Variants in EPHA6 observed in about 807,000 individuals in gnomAD.
The protein encoded by EPHA6 is EPH receptor A6.
Under a neutral mutation model 112.0 loss-of-function variants are expected in EPHA6, and 50 were observed. The ratio of observed to expected loss-of-function variants is 0.45; its 90% CI spans 0.36 to 0.56. EPHA6 has a LOEUF of 0.56. EPHA6 is among the 20% of genes least tolerant of loss of function. EPHA6 has a pLI of 0.00. For missense variants in EPHA6, 1,280 were observed against 1,417.4 expected, an observed-to-expected ratio of 0.90 and a Z score of 1.56; for synonymous variants, 529 against 490.7, an observed-to-expected ratio of 1.08 and a Z score of -1.03.
chr3:96,825,429 A>G (rs1296894070), intron 1 of EPHA6, among the ~76,000 whole-genome samples: 2 of 151,876 alleles, frequency 1.3e-5, no homozygotes, highest in Non-Finnish European at 2.9e-5. Flanking sequence ...CAGTACATGT[A>G]TGGTTTACGA....
chr3:97,727,415 T>A lies in EPHA6; in HGVS notation c.2934+7005T>A, dbSNP rs572964007. 8.5e-4 allele frequency among the ~76,000 whole-genome samples: 130 copies of A among 152,210 alleles called. 2 individuals carry two copies. Among genetic ancestry groups the A allele is most frequent in the African/African-American group, 3.0e-3 (123 of 41,560 alleles). On this transcript the variant is annotated intron_variant, in intron 15 of 17. Transcript: ENST00000389672. ...AAATAACCTTTTACTGTACTTCCTGTTTGTCCTCATAATTCTATAACCTTT... is the reference window on the plus strand; with the variant it reads ...AAATAACCTTTTACTGTACTTCCTGATTGTCCTCATAATTCTATAACCTTT...
intron 3 of EPHA6, among the ~76,000 whole-genome samples, chr3:97,151,569 G>A (rs79036546): frequency 0.034 from 5,145 of 151,962 alleles, 261 homozygotes; most frequent in African/African-American, 0.12. Context: ...CATCAACATA[G>A]GATCTGATGG....
chr3:97,080,696 A>C (rs965999990), intron 3 of EPHA6, among the ~76,000 whole-genome samples: 1 of 152,122 alleles, frequency 6.6e-6, no homozygotes, highest in African/African-American at 2.4e-5. Context: ...TATATAAAGT[A>C]TACATGTTTA....
chr3:97,392,468 A>G (rs1007266600), intron 5 of EPHA6, among the ~76,000 whole-genome samples: 4 of 151,536 alleles, frequency 2.6e-5, no homozygotes, highest in African/African-American at 9.7e-5. Context: ...CATCACATAT[A>G]GGATTTGGGG....
chr3:97,326,452 C>T (rs1392827430), intron 5 of EPHA6, among the ~76,000 whole-genome samples: 1 of 151,392 alleles, frequency 6.6e-6, no homozygotes, highest in African/African-American at 2.4e-5. Flanking sequence ...AGTGATTAAG[C>T]AAGGGGGAAA....
At chr3:97,666,536 A>G (rs1440666663) in intron 14 of EPHA6, among the ~76,000 whole-genome samples, 1 of 151,960 alleles carries the variant, frequency 6.6e-6, no homozygotes, top group Non-Finnish European at 1.5e-5. Context: ...CATCACCTCT[A>G]TCTCTGCCTT....
At position 97,424,862 on chromosome 3, in the gene EPHA6, A is replaced by C. The variant is rs1053086949; in HGVS notation, c.1731+19588A>C. Among the ~76,000 whole-genome samples, 9 of 152,088 alleles carry C rather than the reference A, an allele frequency of 5.9e-5. No individual in the cohort carries two copies. In the East Asian group the frequency reaches 1.7e-3, roughly 29 times the overall value. On this transcript the variant is annotated intron_variant, in intron 6 of 17. Coordinates refer to ENST00000389672, the MANE Select transcript of EPHA6 (RefSeq NM_001080448.3). The stretch of plus-strand genomic sequence containing the variant: ...ACTTCCTAGATACAATGGGAGTACA[A>C]GTGTTGGGTAAATACACCTGTTCCA...
At chr3:97,227,108 TAA>T (rs1362492028) in intron 4 of EPHA6, among the ~76,000 whole-genome samples, 2 of 152,150 alleles carry the variant, frequency 1.3e-5, no homozygotes, top group African/African-American at 2.4e-5. Context: ...AATACATTGC[TAA>T]GTTATGCAAA....
chr3:97,306,627 A>G (rs1481515737), intron 5 of EPHA6, among the ~76,000 whole-genome samples: 1 of 151,766 alleles, frequency 6.6e-6, no homozygotes, highest in Non-Finnish European at 1.5e-5. Flanking sequence ...CACAACATAA[A>G]ATGCTGGATG....
At chr3:97,723,525 G>A (rs765365111) in intron 15 of EPHA6, among the ~76,000 whole-genome samples, 4 of 152,156 alleles carry the variant, frequency 2.6e-5, no homozygotes, top group Non-Finnish European at 4.4e-5. Context: ...ATTCTCATTC[G>A]TTCAGGATTG....
chr3:97,743,149 T>C (rs1300356958), intron 16 of EPHA6, among the ~76,000 whole-genome samples: 1 of 152,162 alleles, frequency 6.6e-6, no homozygotes, highest in Non-Finnish European at 1.5e-5. Context: ...ATTTAATAAG[T>C]TGACCACTAT....
At chr3:97,714,646 A>T (rs903810238) in intron 14 of EPHA6, among the ~76,000 whole-genome samples, 1 of 152,228 alleles carries the variant, frequency 6.6e-6, no homozygotes, top group Non-Finnish European at 1.5e-5. Flanking sequence ...AGTGATTCTC[A>T]AGAGTAAGAG....
chr3:97,068,339 G>A (rs550374359), intron 3 of EPHA6, among the ~76,000 whole-genome samples: 1 of 151,998 alleles, frequency 6.6e-6, no homozygotes, highest in African/African-American at 2.4e-5. Flanking sequence ...GGAGGGTTGG[G>A]ACAGGATCCA....
At chr3:97,647,358 G>A (rs2094072857) in intron 14 of EPHA6, among the ~76,000 whole-genome samples, 1 of 152,094 alleles carries the variant, frequency 6.6e-6, no homozygotes, top group Non-Finnish European at 1.5e-5. Context: ...AAGGCAACAA[G>A]AGTTGTAGCA....
chr3:97,187,102 A>G (rs947021644), intron 3 of EPHA6, among the ~76,000 whole-genome samples: 1 of 152,176 alleles, frequency 6.6e-6, no homozygotes. Flanking sequence ...GTGGCTTACA[A>G]CAACCAAATT....
chr3:97,289,012 A>G (rs1183140945), intron 5 of EPHA6, among the ~76,000 whole-genome samples: 1 of 150,008 alleles, frequency 6.7e-6, no homozygotes, highest in Non-Finnish European at 1.5e-5. Context: ...ATAATTTGCA[A>G]ATATTTTCTC....
intron 3 of EPHA6, among the ~76,000 whole-genome samples, chr3:96,991,621 C>A (rs1256036102): frequency 1.3e-5 from 2 of 152,104 alleles, no homozygotes; most frequent in African/African-American, 2.4e-5. Flanking sequence ...ATTTTACAGT[C>A]TTCTCTCTGG....
At chr3:96,886,301 C>T (rs911230633) in intron 2 of EPHA6, among the ~76,000 whole-genome samples, 1 of 152,120 alleles carries the variant, frequency 6.6e-6, no homozygotes, top group African/African-American at 2.4e-5. Flanking sequence ...TATTGTGTTG[C>T]TATCTGTCTC....
chr3:97,471,403 T>A (rs751727083), intron 7 of EPHA6, among the ~76,000 whole-genome samples: 1 of 151,750 alleles, frequency 6.6e-6, no homozygotes, highest in Non-Finnish European at 1.5e-5. Context: ...GCACAGTAAC[T>A]GTGTTTTGTT....
Sources: allele counts gnomAD v4.1 joint callset (sites outside exome capture counted in the v4.1 genomes callset), GRCh38; gene constraint gnomAD v4.1.1; transcripts MANE v1.5; gene names NCBI Gene and HGNC (gene_info 2026-07-23, HGNC 2026-07-21).